The following EDNRB variants were observed in gnomAD, a reference collection of about 807,000 sequenced individuals.
EDNRB encodes endothelin receptor type B.
EDNRB carries 18 observed loss-of-function variants against 46.4 expected under a neutral mutation model. The observed-to-expected ratio is 0.39, with a 90% confidence interval of 0.27 to 0.57. The LOEUF is 0.57. Among genes scored for constraint, EDNRB ranks in the 20% least tolerant of loss-of-function variants. The probability of loss-of-function intolerance (pLI) is 0.61; values close to 1 mark genes in which losing one functional copy is unlikely to be tolerated. For synonymous variants in EDNRB, 213 were observed against 204.9 expected, an observed-to-expected ratio of 1.04 and a Z score of -0.34; for missense variants, 434 against 537.5, an observed-to-expected ratio of 0.81 and a Z score of 1.90.
intron 1 of EDNRB, among the ~76,000 whole-genome samples, chr13:77,928,861 A>T (rs4283112): frequency 0.56 from 84,652 of 152,112 alleles, 24,325 homozygotes; most frequent in Middle Eastern, 0.67. Context: ...AAAATATGTC[A>T]AATGCTTAAT....
intron 1 of EDNRB, among the ~76,000 whole-genome samples, chr13:77,938,516 G>A (rs1037314912): frequency 2.6e-5 from 4 of 152,086 alleles, no homozygotes; most frequent in Non-Finnish European, 5.9e-5. Flanking sequence ...CCAGAAAAGT[G>A]GTACTTGCCG....
chr13:77,930,895 C>T (rs767835123), intron 1 of EDNRB, among the ~76,000 whole-genome samples: 2 of 97,420 alleles, frequency 2.1e-5, no homozygotes, highest in Non-Finnish European at 4.0e-5. Flanking sequence ...ATTTGTAGCA[C>T]TATCTATTTT....
intron 1 of EDNRB, among the ~76,000 whole-genome samples, chr13:77,971,820 A>G (rs945347229): frequency 3.2e-4 from 49 of 152,156 alleles, no homozygotes; most frequent in African/African-American, 1.1e-3. Flanking sequence ...ACGATGTCTT[A>G]TTTTTTCTCC....
At chr13:77,927,838 T>C (rs1286811228) in intron 1 of EDNRB, among the ~76,000 whole-genome samples, 2 of 152,210 alleles carry the variant, frequency 1.3e-5, no homozygotes, top group African/African-American at 2.4e-5. Context: ...ATTATAATAA[T>C]TCCCATGTGC....
chr13:77,940,877 A>G (rs1880726092), intron 1 of EDNRB, among the ~76,000 whole-genome samples: 1 of 152,172 alleles, frequency 6.6e-6, no homozygotes, highest in Admixed American at 6.5e-5. Context: ...AATTCACAAG[A>G]TGTGGTCTCT....
chr13:77,918,912 G>C (rs137993263), upstream of EDNRB: 5 of 1,218,022 alleles, frequency 4.1e-6, no homozygotes, highest in Non-Finnish European at 4.1e-6. The surrounding 1 kb of genome is among the most constrained non-coding windows in gnomAD (Gnocchi z 4.5). Context: ...GGGAATGATG[G>C]GGGTCCCAGG....
rs532367838 is a variant in EDNRB, at chr13:77,909,178, C to T, written c.484-5571G>A. 2.7e-3 allele frequency among the ~76,000 whole-genome samples: 403 copies of T among 152,004 alleles called. 4 individuals carry two copies. Among genetic ancestry groups the T allele is most frequent in the African/African-American group, 9.3e-3 (386 of 41,478 alleles). ...TAAAAGATTTCTACTCAAGAAAGAC[C>T]GTGATTTTATAACTTTACCTTGGAA... On this transcript the variant is annotated intron_variant, in intron 1 of 6. Transcript: ENST00000646607.
intron 1 of EDNRB, among the ~76,000 whole-genome samples, chr13:77,938,057 G>A (rs1002087503): frequency 6.6e-6 from 1 of 152,184 alleles, no homozygotes; most frequent in African/African-American, 2.4e-5. Flanking sequence ...AAGCGGCATT[G>A]CAGAAGAAAA....
At position 77,901,222 on chromosome 13, in the gene EDNRB, G is replaced by T. The variant is rs763342247; in HGVS notation, c.802-15C>A. ...GTCTTGTAAAACTATAGGGATGAGAGAATTTTTACGATTAATACTCCTCTG... is the reference window on the plus strand; with the variant it reads ...GTCTTGTAAAACTATAGGGATGAGATAATTTTTACGATTAATACTCCTCTG... On this transcript the variant is annotated splice_polypyrimidine_tract_variant and intron_variant, in intron 3 of 6. Transcript: ENST00000646607. The T allele has an allele frequency of 4.4e-6, 7 of 1,608,542 alleles. No homozygotes were observed. The South Asian group carries it at 6.6e-5, about 15-fold the overall frequency.
chr13:77,963,838 A>G (rs934255993), intron 1 of EDNRB, among the ~76,000 whole-genome samples: 5 of 152,220 alleles, frequency 3.3e-5, no homozygotes, highest in African/African-American at 1.2e-4. Context: ...CAGGCAACCT[A>G]CAGAATGGGA....
At chr13:77,920,720 A>C (rs1035181291), upstream of EDNRB, among the ~76,000 whole-genome samples, 4 of 152,238 alleles carry the variant, frequency 2.6e-5, no homozygotes, top group Admixed American at 2.6e-4. Flanking sequence ...AAATCTGGCT[A>C]TTTTGAATTG....
chr13:77,929,808 T>G (rs574041290), intron 1 of EDNRB, among the ~76,000 whole-genome samples: 40 of 152,326 alleles, frequency 2.6e-4, no homozygotes, highest in African/African-American at 9.1e-4. Context: ...TTTACCTCGA[T>G]ATATCCTCTG....
intron 1 of EDNRB, among the ~76,000 whole-genome samples, chr13:77,962,748 C>A (rs1303485922): frequency 1.3e-5 from 2 of 152,124 alleles, no homozygotes; most frequent in Admixed American, 1.3e-4. Flanking sequence ...TCCTATTCAA[C>A]ATAGTGTTGG....
chr13:77,933,329 G>A (rs1880456217), intron 1 of EDNRB, among the ~76,000 whole-genome samples: 3 of 152,168 alleles, frequency 2.0e-5, no homozygotes, highest in Admixed American at 2.0e-4. Flanking sequence ...AGTCAGCGAA[G>A]GGAGACAGGG....
At chr13:77,942,002 T>A (rs905318800) in intron 1 of EDNRB, among the ~76,000 whole-genome samples, 2 of 152,236 alleles carry the variant, frequency 1.3e-5, no homozygotes, top group Non-Finnish European at 2.9e-5. Context: ...CCAGCTATGC[T>A]GACCTGCAAA....
chr13:77,924,780 G>T (rs1042111356), intron 1 of EDNRB, among the ~76,000 whole-genome samples: 28 of 152,130 alleles, frequency 1.8e-4, no homozygotes, highest in African/African-American at 6.8e-4. Context: ...ATGGGGGCAG[G>T]TCTTTCCTGT....
At chr13:77,960,649 T>C (rs116866585) in intron 1 of EDNRB, among the ~76,000 whole-genome samples, 2,236 of 152,138 alleles carry the variant, frequency 0.015, 45 homozygotes, top group East Asian at 0.024. Context: ...AAATAACCAG[T>C]TATCATCATA....
intron 1 of EDNRB, among the ~76,000 whole-genome samples, chr13:77,968,744 G>A (rs1346769456): frequency 6.6e-6 from 1 of 152,170 alleles, no homozygotes; most frequent in Non-Finnish European, 1.5e-5. Context: ...GATCATTGGT[G>A]ATTTCAAATC....
intron 1 of EDNRB, among the ~76,000 whole-genome samples, chr13:77,949,181 T>C (rs1437173619): frequency 6.6e-6 from 1 of 152,182 alleles, no homozygotes; most frequent in Non-Finnish European, 1.5e-5. Flanking sequence ...CTTAGATTTC[T>C]CTTCAAGAGA....
Sources: gnomAD v4.1 joint callset for allele counts (sites outside exome capture counted in the v4.1 genomes callset) on GRCh38, gnomAD v4.1.1 for gene constraint, Gnocchi (gnomAD v3.1) non-coding constraint, MANE v1.5 for transcripts, NCBI Gene and HGNC (gene_info 2026-07-23, HGNC 2026-07-21) for gene names.